The following ZC3H7B variants were observed in gnomAD, a reference collection of about 807,000 sequenced individuals.
ZC3H7B encodes zinc finger CCCH-type containing 7B, also known as zinc finger CCCH domain-containing protein 7B.
Under a neutral mutation model 116.0 loss-of-function variants are expected in ZC3H7B, and 35 were observed. The ratio of observed to expected loss-of-function variants is 0.30; its 90% CI spans 0.23 to 0.40. The LOEUF (loss-of-function observed/expected upper bound fraction) is 0.40, where lower values mean the gene tolerates loss of function less well. Ranked by LOEUF, ZC3H7B falls within the 10% of genes least tolerant of loss-of-function variation. ZC3H7B has a pLI of 1.00. For missense variants in ZC3H7B, 1,011 were observed against 1,321.5 expected (o/e 0.77, Z 3.64); for synonymous variants, 502 against 545.6 (o/e 0.92, Z 1.11).
rs12484074 is a variant in ZC3H7B at position 41,356,743 on chromosome 22, G to A, written c.2616G>A (p.Thr872=). Residue 872 remains threonine (T), a synonymous_variant, in exon 22 of 23, where the codon ACG becomes ACA. Coordinates refer to ENST00000352645, the MANE Select transcript of ZC3H7B (RefSeq NM_017590.6). ...QSEKHKEKVF[T]SDSDASGWAF... ...AGAAGCACAAGGAGAAGGTCTTCAC[G>A]TCCGACAGTGACGCCAGCGGCTGGG... The A allele has an allele frequency of 0.24, 381,544 of 1,613,518 alleles. 51,977 individuals are homozygous for A. Among genetic ancestry groups the A allele is most frequent in the Admixed American group, 0.57 (34,045 of 60,018 alleles).
intron 1 of ZC3H7B, among the ~76,000 whole-genome samples, chr22:41,314,434 G>A (rs377167320): frequency 1.3e-5 from 2 of 151,910 alleles, no homozygotes; most frequent in South Asian, 2.1e-4. Context: ...TGGGATTACA[G>A]GTGTGAGCCA....
At chr22:41,354,224 A>C (rs746897118) in intron 17 of ZC3H7B, among the ~76,000 whole-genome samples, 3 of 152,162 alleles carry the variant, frequency 2.0e-5, no homozygotes, top group Admixed American at 6.5e-5. Flanking sequence ...AAGAAATGGT[A>C]ATAATGCCTT....
At chr22:41,336,377 A>C (rs1458247602) in intron 7 of ZC3H7B, 1 of 152,164 alleles carries the variant, frequency 6.6e-6, no homozygotes, top group African/African-American at 2.4e-5. Context: ...AAAAATTCAA[A>C]AATTAGCTGG....
At chr22:41,355,435 A>G in intron 17 of ZC3H7B, 34 bp from the exon 18 acceptor site, 1 of 1,611,744 alleles carries the variant, frequency 6.2e-7, no homozygotes, top group Non-Finnish European at 8.5e-7. Flanking sequence ...TGGTGCCTGC[A>G]GCTTCACCAA....
intron 4 of ZC3H7B, among the ~76,000 whole-genome samples, chr22:41,326,586 C>T (rs929308956): frequency 7.2e-5 from 11 of 152,154 alleles, no homozygotes; most frequent in Non-Finnish European, 5.9e-5. Flanking sequence ...GCCTCAGCCT[C>T]CTGTTTCTTT....
chr22:41,323,050 C>G (rs954347015), intron 2 of ZC3H7B, among the ~76,000 whole-genome samples: 3 of 152,190 alleles, frequency 2.0e-5, no homozygotes, highest in African/African-American at 7.2e-5. Context: ...ATTCTCCTTC[C>G]TCAGCGCACA....
chr22:41,339,116 C>T lies in ZC3H7B; in HGVS notation c.741C>T (p.Pro247=). Residue 247 remains proline, a synonymous_variant, in exon 9 of 23, where the codon CCC becomes CCT. Coordinates refer to ENST00000352645, the MANE Select transcript of ZC3H7B (RefSeq NM_017590.6). The part of the protein sequence containing the change: ...LAPLDSSRTL[P]STDSLDDFSD... ...CCCTGGACAGCAGCAGGACCCTCCCCAGCACCGACAGCCTGGATGACTTCT... is the reference window on the plus strand; with the variant it reads ...CCCTGGACAGCAGCAGGACCCTCCCTAGCACCGACAGCCTGGATGACTTCT... 1 of 1,613,176 alleles carries T rather than the reference C, an allele frequency of 6.2e-7. No individual in the cohort carries two copies. The highest frequency in any genetic ancestry group is 1.1e-5 in the South Asian group (1 of 90,752).
intron 1 of ZC3H7B, among the ~76,000 whole-genome samples, chr22:41,310,307 G>T (rs968839414): frequency 2.0e-5 from 3 of 152,140 alleles, no homozygotes; most frequent in Admixed American, 1.3e-4. Flanking sequence ...CCCCTTCAGG[G>T]GGAGGCACAC....
At chr22:41,355,904 G>T in intron 19 of ZC3H7B, 42 bp downstream of exon 19, 1 of 1,610,754 alleles carries the variant, frequency 6.2e-7, no homozygotes, top group Non-Finnish European at 8.5e-7. Flanking sequence ...CCAGGAGGCA[G>T]CGATGCTTTC....
rs74353356 is a variant in ZC3H7B, at chr22:41,320,331, C to CAAA, written c.-6-309_-6-307dup. Among the ~76,000 whole-genome samples, 21 of 86,476 alleles carry CAAA rather than the reference C, an allele frequency of 2.4e-4. No individual in the cohort carries two copies. The East Asian group carries it at 6.2e-3, about 26-fold the overall frequency. 56.7% of individuals were successfully genotyped at this position (86,476 alleles called of 152,430 possible). ...TGGGTAACAGGGGAGACTCTGTATC[C>CAAA]AAAAAAAAAAAAAAAAAGAGTTTTC... is the stretch of plus-strand genomic sequence containing the variant. On this transcript the variant is annotated intron_variant, in intron 1 of 22. Coordinates refer to ENST00000352645, the MANE Select transcript of ZC3H7B (RefSeq NM_017590.6).
chr22:41,323,383 A>G (rs2145912613), intron 2 of ZC3H7B, among the ~76,000 whole-genome samples: 1 of 152,340 alleles, frequency 6.6e-6, no homozygotes, highest in Non-Finnish European at 1.5e-5. Context: ...GCTGTCTTCC[A>G]TAAGAAGAGT....
At chr22:41,345,413 C>G (rs760834784) in intron 13 of ZC3H7B, among the ~76,000 whole-genome samples, 13 of 152,096 alleles carry the variant, frequency 8.5e-5, no homozygotes, top group Admixed American at 2.6e-4. Context: ...TGGAGAAACC[C>G]TGTCTTTACT....
chr22:41,343,310 A>C, intron 12 of ZC3H7B, 105 bp from the exon 13 acceptor site: 2 of 1,392,286 alleles, frequency 1.4e-6, no homozygotes, highest in Non-Finnish European at 9.7e-7. Flanking sequence ...GAGGGGAGGT[A>C]GGTATATAAG....
rs185989237 is a variant in ZC3H7B at position 41,315,863 on chromosome 22, A to G, written c.-6-4792A>G. Among the ~76,000 whole-genome samples, 18 of 152,322 alleles carry G rather than the reference A, an allele frequency of 1.2e-4. No individual in the cohort carries two copies. In the East Asian group the frequency reaches 3.5e-3, roughly 29 times the overall value. On this transcript the variant is annotated intron_variant, in intron 1 of 22. Transcript: ENST00000352645. Reference sequence around the variant, plus strand: ...CCCTATCTTCAGATATAGTCACATTAGAGATTAGAGCTTCAGCATATGAAT... The same window carrying G: ...CCCTATCTTCAGATATAGTCACATTGGAGATTAGAGCTTCAGCATATGAAT...
At position 41,324,048 on chromosome 22, in the gene ZC3H7B, C is replaced by T. The variant is rs540882584; in HGVS notation, c.54-1516C>T. Among the ~76,000 whole-genome samples the T allele has an allele frequency of 7.9e-5, 12 of 151,116 alleles. No individual in the cohort carries two copies. The South Asian group carries it at 1.9e-3, about 24-fold the overall frequency. On this transcript the variant is annotated intron_variant, in intron 2 of 22. Coordinates refer to ENST00000352645, the MANE Select transcript of ZC3H7B (RefSeq NM_017590.6). The stretch of plus-strand genomic sequence containing the variant: ...TTGGGCCACTGCACTCCAGCCTGGG[C>T]GACACAGCGAGACTCTGTCTGGAAA...
chr22:41,325,630 A>G (rs777468508), intron 3 of ZC3H7B, 33 bp downstream of exon 3: 2 of 1,610,848 alleles, frequency 1.2e-6, no homozygotes, highest in Admixed American at 3.4e-5. Flanking sequence ...AGCAAAGGTG[A>G]AGGGCGGAGA....
intron 2 of ZC3H7B, among the ~76,000 whole-genome samples, chr22:41,325,118 G>A (rs967623580): frequency 2.0e-5 from 3 of 152,138 alleles, no homozygotes; most frequent in Non-Finnish European, 4.4e-5. Context: ...TTTCCTTTAG[G>A]AGAGGGCTGG....
Position 41,302,617 on chromosome 22 carries a change from G to T in ZC3H7B, c.-7+845G>T, listed in dbSNP as rs1187604781. Among the ~76,000 whole-genome samples the T allele has an allele frequency of 1.3e-5, 2 of 152,178 alleles. No homozygotes were observed. The highest frequency in any genetic ancestry group is 2.9e-5 in the Non-Finnish European group (2 of 68,020). ...GCTGCGAACCTCAGGGCCCCCCTCCGGGTTTGCTCCCTCCTCCTTTCCCCT... is the reference window on the plus strand; with the variant it reads ...GCTGCGAACCTCAGGGCCCCCCTCCTGGTTTGCTCCCTCCTCCTTTCCCCT... On this transcript the variant is annotated intron_variant, in intron 1 of 22. Transcript: ENST00000352645. This position sits in a 1 kb window ranked among gnomAD's most constrained non-coding sequence, Gnocchi z 5.7.
intron 2 of ZC3H7B, among the ~76,000 whole-genome samples, chr22:41,323,203 G>A (rs1444674144): frequency 1.3e-5 from 2 of 152,198 alleles, no homozygotes; most frequent in African/African-American, 4.8e-5. Flanking sequence ...TGCTGCCATG[G>A]CTGGGAGTTT....
Sources: gnomAD v4.1 joint callset for allele counts (sites outside exome capture counted in the v4.1 genomes callset) on GRCh38, gnomAD v4.1.1 for gene constraint, Gnocchi (gnomAD v3.1) non-coding constraint, MANE v1.5 for transcripts, NCBI Gene and HGNC (gene_info 2026-07-23, HGNC 2026-07-21) for gene names.